Variants in MICAL3 observed in about 807,000 individuals in gnomAD.
The protein encoded by MICAL3 is microtubule associated monooxygenase, calponin and LIM domain containing 3.
In MICAL3, 62 loss-of-function variants were observed where a neutral mutation model predicts 207.4. That is an observed-to-expected ratio of 0.30 (90% CI 0.24 to 0.37). MICAL3 has a LOEUF of 0.37. MICAL3 is among the 10% of genes least tolerant of loss of function. The pLI is 1.00. For missense variants in MICAL3, 2,368 were observed against 2,635.6 expected, an observed-to-expected ratio of 0.90 and a Z score of 2.22; for synonymous variants, 1,077 against 1,069.3, an observed-to-expected ratio of 1.01 and a Z score of -0.14.
At chr22:17,873,276 C>T (rs1471182991) in intron 16 of MICAL3, among the ~76,000 whole-genome samples, 2 of 152,252 alleles carry the variant, frequency 1.3e-5, no homozygotes, top group Non-Finnish European at 1.5e-5. Flanking sequence ...CCAGGCTGAG[C>T]CTGCCTTTCA....
intron 1 of MICAL3, among the ~76,000 whole-genome samples, chr22:17,937,181 A>C (rs140749820): frequency 6.6e-6 from 1 of 152,312 alleles, no homozygotes; most frequent in East Asian, 1.9e-4. Flanking sequence ...TAAATGGTAA[A>C]TTACCTGCTT....
intron 1 of MICAL3, among the ~76,000 whole-genome samples, chr22:17,975,538 T>C (rs1935593537): frequency 6.6e-6 from 1 of 152,120 alleles, no homozygotes; most frequent in African/African-American, 2.4e-5. Flanking sequence ...ACAGGACTTA[T>C]ACTCACTTGT....
At chr22:17,853,764 ACT>A in intron 19 of MICAL3, among the ~76,000 whole-genome samples, 1 of 152,238 alleles carries the variant, frequency 6.6e-6, no homozygotes, top group Non-Finnish European at 1.5e-5. Flanking sequence ...ACCCAGCTCC[ACT>A]CTCTGAGGCT....
At chr22:17,927,668 A>G (rs954427434) in intron 1 of MICAL3, among the ~76,000 whole-genome samples, 1 of 152,006 alleles carries the variant, frequency 6.6e-6, no homozygotes, top group African/African-American at 2.4e-5. Flanking sequence ...AGCCTAGAAC[A>G]CACTTTCCCC....
chr22:17,870,368 C>T (rs374422183), intron 17 of MICAL3, among the ~76,000 whole-genome samples: 1 of 152,166 alleles, frequency 6.6e-6, no homozygotes, highest in African/African-American at 2.4e-5. Flanking sequence ...AAGCGACAAC[C>T]TAGGCTGTGT....
At chr22:17,959,257 C>T (rs548484738) in intron 1 of MICAL3, among the ~76,000 whole-genome samples, 19 of 151,002 alleles carry the variant, frequency 1.3e-4, no homozygotes, top group Non-Finnish European at 2.5e-4. Flanking sequence ...CCTTGTGATC[C>T]ACCCACCTCA....
At position 17,818,299 on chromosome 22, in the gene MICAL3, C is replaced by A. The variant is rs909676640; in HGVS notation, c.4362G>T (p.Thr1454=). The change falls in exon 26 of 32, where the codon ACG becomes ACT. Residue 1454 remains threonine (T), a synonymous_variant. Transcript: ENST00000441493. ...GCGGTGGGGGCGGGCTGGAGGGGGGCGTGAGCATGGCGGAGTCCGAGGTGT... is the reference window on the plus strand; with the variant it reads ...GCGGTGGGGGCGGGCTGGAGGGGGGAGTGAGCATGGCGGAGTCCGAGGTGT... The part of the protein sequence containing the change: ...SFNTSDSAML[T]PPSSPPPPPP... 9 of 1,525,976 alleles carry A rather than the reference C, an allele frequency of 5.9e-6. No homozygotes were observed. The highest frequency in any genetic ancestry group is 7.0e-6 in the Non-Finnish European group (8 of 1,142,264). 94.5% of individuals were successfully genotyped at this position (1,525,976 alleles called of 1,614,324 possible). A position where few individuals can be genotyped will look rare whatever the true frequency, so the allele number is the denominator to read the frequency against.
At chr22:17,815,653 G>A (rs1196833837) in intron 27 of MICAL3, 5 of 152,470 alleles carry the variant, frequency 3.3e-5, no homozygotes, top group Admixed American at 2.6e-4. Context: ...CTCTGTAGAG[G>A]GTGGAGCAGG....
intron 1 of MICAL3, among the ~76,000 whole-genome samples, chr22:17,977,844 A>G (rs1298374978): frequency 6.6e-6 from 1 of 151,964 alleles, no homozygotes; most frequent in Admixed American, 6.6e-5. Context: ...ACCAACATGG[A>G]AAAACCCTGT....
rs141811991 is a variant in MICAL3 at position 17,795,485 on chromosome 22, T to C, written c.5651-4184A>G. Among the ~76,000 whole-genome samples, 253 of 152,302 alleles carry C rather than the reference T, an allele frequency of 1.7e-3. 1 individual carries two copies. Among genetic ancestry groups the C allele is most frequent in the African/African-American group, 5.6e-3 (231 of 41,564 alleles). On this transcript the variant is annotated intron_variant, in intron 29 of 31. Coordinates refer to ENST00000441493, the MANE Select transcript of MICAL3 (RefSeq NM_015241.3). ...GCACGGGTAATAATTACAACACGTG[T>C]TTCTGCTTTCTGGACAGCACAAAAT...
chr22:17,833,288 A>G (rs1160321624), intron 20 of MICAL3, among the ~76,000 whole-genome samples: 1 of 149,226 alleles, frequency 6.7e-6, no homozygotes, highest in Non-Finnish European at 1.5e-5. Flanking sequence ...TTCCCAAAGC[A>G]TCTTTTTCAG....
At chr22:17,971,225 T>A (rs745844376) in intron 1 of MICAL3, among the ~76,000 whole-genome samples, 1 of 152,018 alleles carries the variant, frequency 6.6e-6, no homozygotes, top group East Asian at 1.9e-4. Context: ...CCCAGCACTT[T>A]GGGAGACTGA....
chr22:17,974,878 A>G (rs1162664075), intron 1 of MICAL3, among the ~76,000 whole-genome samples: 6 of 152,212 alleles, frequency 3.9e-5, no homozygotes, highest in African/African-American at 1.2e-4. Context: ...AGTCCTCACA[A>G]TAACCTCATG....
chr22:17,890,172 C>T (rs1320679387), intron 12 of MICAL3, among the ~76,000 whole-genome samples: 2 of 152,168 alleles, frequency 1.3e-5, no homozygotes, highest in African/African-American at 4.8e-5. Context: ...CCCAGCAGCC[C>T]TTAATTCTGT....
chr22:17,884,463 C>T, intron 16 of MICAL3: 2 of 816,130 alleles, frequency 2.5e-6, no homozygotes, highest in Non-Finnish European at 3.8e-6. Flanking sequence ...CAGGCGACAG[C>T]CCCATATCTG....
intron 1 of MICAL3, among the ~76,000 whole-genome samples, chr22:17,985,780 G>A (rs148274298): frequency 3.9e-5 from 6 of 152,172 alleles, no homozygotes; most frequent in African/African-American, 7.2e-5. Context: ...GTCTGCAGAG[G>A]CCACTCGCAT....
chr22:17,989,016 C>A (rs1268775352), intron 1 of MICAL3, among the ~76,000 whole-genome samples: 5 of 152,136 alleles, frequency 3.3e-5, no homozygotes, highest in Non-Finnish European at 7.4e-5. Flanking sequence ...CTGACTCCTC[C>A]CCGGCTGATC....
intron 1 of MICAL3, among the ~76,000 whole-genome samples, chr22:17,982,957 C>G (rs1484732873): frequency 6.6e-6 from 1 of 152,236 alleles, no homozygotes; most frequent in East Asian, 1.9e-4. Context: ...GGCTCCTCAT[C>G]TGGAAAGGAC....
chr22:17,998,711 C>T (rs996126364), intron 1 of MICAL3, among the ~76,000 whole-genome samples: 1 of 152,030 alleles, frequency 6.6e-6, no homozygotes, highest in African/African-American at 2.4e-5. Context: ...CAGGCGCGCA[C>T]CACCACGCCC....
Sources: gnomAD v4.1 joint callset for allele counts (sites outside exome capture counted in the v4.1 genomes callset) on GRCh38, gnomAD v4.1.1 for gene constraint, MANE v1.5 for transcripts, NCBI Gene and HGNC (gene_info 2026-07-23, HGNC 2026-07-21) for gene names.